Variants in WSCD2 observed in about 807,000 individuals in gnomAD.
WSCD2 encodes the protein WSC domain sialate O sulfotransferase 2.
In WSCD2, 28 loss-of-function variants were observed where a neutral mutation model predicts 55.7. The ratio of observed to expected loss-of-function variants is 0.50; its 90% CI spans 0.37 to 0.69. The LOEUF is 0.69. Among genes scored for constraint, WSCD2 ranks in the 30% least tolerant of loss-of-function variants. The pLI, the probability that WSCD2 is intolerant of heterozygous loss-of-function variation, is 0.00. For synonymous variants in WSCD2, 301 were observed against 301.9 expected (o/e 1.00, Z 0.03); for missense variants, 616 against 762.1 (o/e 0.81, Z 2.26).
Position 108,208,738 on chromosome 12 carries a change from G to C in WSCD2, c.498-1383G>C, listed in dbSNP as rs6539418. Among the ~76,000 whole-genome samples the C allele has an allele frequency of 8.5e-3, 1,298 of 152,238 alleles. 14 individuals carry two copies. Among genetic ancestry groups the C allele is most frequent in the African/African-American group, 0.029 (1,219 of 41,546 alleles). ...TAACTAAAGCATCCAGATTTGACCA[G>C]GAGGGCAATGGGGAGCCACTGCAGG... On this transcript the variant is annotated intron_variant, in intron 3 of 8. Transcript: ENST00000547525.
chr12:108,151,592 G>C (rs1878009371), intron 1 of WSCD2, among the ~76,000 whole-genome samples: 1 of 152,184 alleles, frequency 6.6e-6, no homozygotes, highest in Non-Finnish European at 1.5e-5. Flanking sequence ...ACTCGCCCAA[G>C]GTACACAGCC....
chr12:108,240,550 G>T lies in WSCD2; in HGVS notation c.1345+6G>T, dbSNP rs777902173. 1 of 1,601,846 alleles carries T rather than the reference G, an allele frequency of 6.2e-7. No individual in the cohort carries two copies. The highest frequency in any genetic ancestry group is 8.5e-7 in the Non-Finnish European group (1 of 1,177,186). On this transcript the variant is annotated splice_donor_region_variant and intron_variant, in intron 8 of 8. Coordinates refer to ENST00000547525, the MANE Select transcript of WSCD2 (RefSeq NM_014653.4). ...TGCCCACTGGAAGGGCAAAGGTACA[G>T]CTCGGGAGAGGAGGGGAGGGGAGGG...
rs1380796693 is a variant in WSCD2 at position 108,248,226 on chromosome 12, G to A, written c.1581G>A (p.Glu527=). The A allele has an allele frequency of 6.2e-7, 1 of 1,614,104 alleles. No individual in the cohort carries two copies. Among genetic ancestry groups the A allele is most frequent in the African/African-American group, 1.3e-5 (1 of 74,946 alleles). Reference sequence around the variant, plus strand: ...AGCGCTCAGGGCTCCGGAAGCTCGAGTATGACCCCTATACTGCGGACATGC... The same window carrying A: ...AGCGCTCAGGGCTCCGGAAGCTCGAATATGACCCCTATACTGCGGACATGC... ...NFKRSGLRKL[E]YDPYTADMQK... Residue 527 remains glutamate, a synonymous_variant, in exon 9 of 9, where the codon GAG becomes GAA. Transcript: ENST00000547525. The surrounding 1 kb of genome is among the most constrained non-coding windows in gnomAD (Gnocchi z 4.3).
intron 7 of WSCD2, among the ~76,000 whole-genome samples, chr12:108,239,724 T>C (rs1358007171): frequency 6.6e-6 from 1 of 152,090 alleles, no homozygotes; most frequent in African/African-American, 2.4e-5. Context: ...TCTTTTCTTT[T>C]TTTGTCAAGA....
chr12:108,205,532 A>G (rs1357477294), intron 2 of WSCD2, among the ~76,000 whole-genome samples: 1 of 150,450 alleles, frequency 6.6e-6, no homozygotes, highest in East Asian at 1.9e-4. Flanking sequence ...TAAGTGTATG[A>G]TTTATAATTG....
At chr12:108,151,659 C>T (rs952599862) in intron 1 of WSCD2, among the ~76,000 whole-genome samples, 6 of 152,218 alleles carry the variant, frequency 3.9e-5, no homozygotes, top group African/African-American at 1.4e-4. Context: ...CCTCCTGATC[C>T]ATGCAGCCCT....
At chr12:108,240,654 T>C (rs1241691516) in intron 8 of WSCD2, 110 bp downstream of exon 8, 5 of 1,277,116 alleles carry the variant, frequency 3.9e-6, no homozygotes, top group Non-Finnish European at 4.3e-6. Flanking sequence ...CAATGCCTCA[T>C]GCGAGGAACC....
At chr12:108,246,716 A>G (rs1041232787) in intron 8 of WSCD2, among the ~76,000 whole-genome samples, 8 of 151,888 alleles carry the variant, frequency 5.3e-5, no homozygotes, top group African/African-American at 1.9e-4. Context: ...AAATGAAGAA[A>G]GGTAGGAAAG....
chr12:108,226,448 G>T (rs908245591), intron 5 of WSCD2, among the ~76,000 whole-genome samples: 4 of 151,962 alleles, frequency 2.6e-5, no homozygotes, highest in Non-Finnish European at 5.9e-5. Flanking sequence ...CTCATCAAGG[G>T]GGCATTTACT....
intron 1 of WSCD2, among the ~76,000 whole-genome samples, chr12:108,138,299 C>T (rs181353883): frequency 8.5e-5 from 13 of 152,278 alleles, no homozygotes; most frequent in Admixed American, 1.3e-4. Context: ...CAAAAAAATA[C>T]GATGGCATCT....
At chr12:108,182,910 C>T (rs1267953260) in intron 1 of WSCD2, among the ~76,000 whole-genome samples, 4 of 151,944 alleles carry the variant, frequency 2.6e-5, no homozygotes, top group African/African-American at 7.3e-5. Context: ...GGGATCCTAG[C>T]GTGGAACCTC....
intron 1 of WSCD2, among the ~76,000 whole-genome samples, chr12:108,140,264 A>G (rs566270213): frequency 1.3e-5 from 2 of 152,318 alleles, no homozygotes; most frequent in South Asian, 4.1e-4. Context: ...GGCTGAGTGA[A>G]GATTCAATGA....
At chr12:108,229,524 A>G (rs1476376413) in intron 6 of WSCD2, among the ~76,000 whole-genome samples, 1 of 152,140 alleles carries the variant, frequency 6.6e-6, no homozygotes, top group Non-Finnish European at 1.5e-5. Context: ...TATCCCACAT[A>G]ATTGTGTAAG....
chr12:108,201,603 C>A (rs1000860524), intron 2 of WSCD2, among the ~76,000 whole-genome samples: 1 of 151,974 alleles, frequency 6.6e-6, no homozygotes, highest in Non-Finnish European at 1.5e-5. Flanking sequence ...AACTGCACCC[C>A]GAAGAGCTTG....
In WSCD2 at chr12:108,232,825, C is replaced by T; in HGVS notation, c.1074C>T (p.Arg358=). The T allele has an allele frequency of 2.5e-6, 4 of 1,614,058 alleles. No individual in the cohort carries two copies. Among genetic ancestry groups the T allele is most frequent in the Non-Finnish European group, 3.4e-6 (4 of 1,180,002 alleles). The change falls in exon 7 of 9, where the codon CGC becomes CGT. Residue 358 remains arginine, a synonymous_variant. Coordinates refer to ENST00000547525, the MANE Select transcript of WSCD2 (RefSeq NM_014653.4). The part of the protein sequence containing the change: ...SFPGAGNTWA[R]HLIELATGFY... Reference sequence around the variant, plus strand: ...CAGGTGCTGGCAACACGTGGGCTCGCCACCTCATTGAATTGGCCACAGGCT... The same window carrying T: ...CAGGTGCTGGCAACACGTGGGCTCGTCACCTCATTGAATTGGCCACAGGCT...
chr12:108,224,887 C>T lies in WSCD2; in HGVS notation c.804+27C>T, dbSNP rs374528937. On this transcript the variant is annotated intron_variant, in intron 5 of 8. Transcript: ENST00000547525. ...TGAGCACAAGGTGGGGCCCATGGAA[C>T]TCAGGGGGAGGGAACCATGCAGCAG... 1.9e-5 allele frequency: 31 copies of T among 1,608,110 alleles called. No individual in the cohort carries two copies. In the African/African-American group the frequency reaches 3.2e-4, roughly 17 times the overall value.
At chr12:108,161,945 G>A (rs563655850) in intron 1 of WSCD2, among the ~76,000 whole-genome samples, 50 of 152,258 alleles carry the variant, frequency 3.3e-4, no homozygotes, top group African/African-American at 1.2e-3. Context: ...AGATTTTACC[G>A]TGGCTTCACT....
At chr12:108,166,965 C>T (rs1389832760) in intron 1 of WSCD2, among the ~76,000 whole-genome samples, 2 of 151,850 alleles carry the variant, frequency 1.3e-5, no homozygotes, top group African/African-American at 2.4e-5. Context: ...GTGCCCACCA[C>T]CACACCCAGC....
intron 7 of WSCD2, among the ~76,000 whole-genome samples, chr12:108,238,577 G>C (rs911693637): frequency 6.6e-6 from 1 of 152,196 alleles, no homozygotes; most frequent in Non-Finnish European, 1.5e-5. Context: ...TGCATTAGCT[G>C]CCATTTATTG....
Sources: gnomAD v4.1 joint callset for allele counts (sites outside exome capture counted in the v4.1 genomes callset) on GRCh38, gnomAD v4.1.1 for gene constraint, Gnocchi (gnomAD v3.1) non-coding constraint, MANE v1.5 for transcripts, NCBI Gene and HGNC (gene_info 2026-07-23, HGNC 2026-07-21) for gene names.